PLEKHH2: variants seen among roughly 807,000 people sequenced by gnomAD.
PLEKHH2 encodes pleckstrin homology domain-containing family H member 2.
In PLEKHH2, 129 loss-of-function variants were observed where a neutral mutation model predicts 187.9. The ratio of observed to expected loss-of-function variants is 0.69; its 90% CI spans 0.59 to 0.79. PLEKHH2 has a LOEUF of 0.79. PLEKHH2 is among the 30% of genes least tolerant of loss of function. The pLI is 0.00. For missense variants in PLEKHH2, 2,076 were observed against 1,751.2 expected (o/e 1.19, Z -3.31); for synonymous variants, 686 against 605.6 (o/e 1.13, Z -1.95).
chr2:43,704,066 T>G lies in PLEKHH2; in HGVS notation c.1726+10T>G. ...GAGAGTGTTAATAAAAGTAAGTGCT[T>G]TTTCATGCTGCCACCTGGATGAACC... On this transcript the variant is annotated intron_variant, in intron 9 of 29. Transcript: ENST00000282406. The G allele has an allele frequency of 6.4e-7, 1 of 1,569,392 alleles. No homozygotes were observed. The highest frequency in any genetic ancestry group is 8.8e-7 in the Non-Finnish European group (1 of 1,141,432).
rs755842513 is a variant in PLEKHH2 at position 43,700,587 on chromosome 2, C to A, written c.1629C>A (p.Pro543=). ...KVAYSKPPTP[P]LHRFPSWESR... Reference sequence around the variant, plus strand: ...CATACAGCAAACCTCCAACTCCTCCCCTGCACCGTTTTCCTTCTTGGGTAA... The same window carrying A: ...CATACAGCAAACCTCCAACTCCTCCACTGCACCGTTTTCCTTCTTGGGTAA... Residue 543 remains proline (P), a synonymous_variant, in exon 8 of 30, where the codon CCC becomes CCA. Coordinates refer to ENST00000282406, the MANE Select transcript of PLEKHH2 (RefSeq NM_172069.4). The A allele has an allele frequency of 4.3e-6, 7 of 1,609,650 alleles. No homozygotes were observed. In the South Asian group the frequency reaches 5.5e-5, roughly 13 times the overall value.
At chr2:43,666,249 G>A (rs1365699088) in intron 2 of PLEKHH2, among the ~76,000 whole-genome samples, 13 of 150,974 alleles carry the variant, frequency 8.6e-5, no homozygotes, top group East Asian at 1.9e-4. Context: ...AGGTGCATCC[G>A]TCACCCCTTT....
At position 43,658,302 on chromosome 2, in the gene PLEKHH2, T is replaced by G. The variant is rs544012818; in HGVS notation, c.123+13506T>G. Among the ~76,000 whole-genome samples, 6 of 152,368 alleles carry G rather than the reference T, an allele frequency of 3.9e-5. No individual in the cohort carries two copies. In the East Asian group the frequency reaches 9.6e-4, roughly 24 times the overall value. On this transcript the variant is annotated intron_variant, in intron 2 of 29. Transcript: ENST00000282406. Reference sequence around the variant, plus strand: ...ACACTTACGTGTATTAAATGATACATGAATTGTTTGTACCATTTTTCATGT... The same window carrying G: ...ACACTTACGTGTATTAAATGATACAGGAATTGTTTGTACCATTTTTCATGT...
chr2:43,703,898 A>G lies in PLEKHH2; in HGVS notation c.1651-83A>G, dbSNP rs866725093. The G allele has an allele frequency of 9.5e-6, 8 of 845,748 alleles. No individual in the cohort carries two copies. The Middle Eastern group carries it at 7.0e-4, about 74-fold the overall frequency. 52.4% of individuals were successfully genotyped at this position (845,748 alleles called of 1,614,324 possible). A position where few individuals can be genotyped will look rare whatever the true frequency, so the allele number is the denominator to read the frequency against. On this transcript the variant is annotated intron_variant, in intron 8 of 29. Coordinates refer to ENST00000282406, the MANE Select transcript of PLEKHH2 (RefSeq NM_172069.4). ...CTTAAATGAAGAACAAATGAAAAACATGTGTATTGAAAGTAGTCTTTTTTT... is the reference window on the plus strand; with the variant it reads ...CTTAAATGAAGAACAAATGAAAAACGTGTGTATTGAAAGTAGTCTTTTTTT...
At chr2:43,731,108 C>T (rs889142417) in intron 18 of PLEKHH2, among the ~76,000 whole-genome samples, 1 of 152,030 alleles carries the variant, frequency 6.6e-6, no homozygotes, top group Non-Finnish European at 1.5e-5. Context: ...AAGAATGACA[C>T]AATAGACTTT....
chr2:43,676,316 A>T (rs1667785366), intron 2 of PLEKHH2: 1 of 1,605,132 alleles, frequency 6.2e-7, no homozygotes, highest in Non-Finnish European at 8.5e-7. Context: ...CCACTAGCGG[A>T]AACCATTTTC....
chr2:43,645,867 C>G (rs1459619256), intron 2 of PLEKHH2, among the ~76,000 whole-genome samples: 1 of 152,098 alleles, frequency 6.6e-6, no homozygotes, highest in Non-Finnish European at 1.5e-5. Context: ...TTCTGAAACA[C>G]TAATCTGCAT....
intron 16 of PLEKHH2, 84 bp from the exon 17 acceptor site, chr2:43,726,188 T>C: frequency 1.0e-6 from 1 of 957,414 alleles, no homozygotes; most frequent in Non-Finnish European, 1.5e-6. Flanking sequence ...CTTTATAAAT[T>C]TAAAAATGAA....
At chr2:43,683,940 A>G (rs931071780) in intron 3 of PLEKHH2, among the ~76,000 whole-genome samples, 3 of 152,170 alleles carry the variant, frequency 2.0e-5, no homozygotes, top group Non-Finnish European at 4.4e-5. Flanking sequence ...GAGCTTTCAT[A>G]TATCCTCTCC....
chr2:43,638,556 T>C lies in PLEKHH2; in HGVS notation c.-4+1177T>C, dbSNP rs552146984. Among the ~76,000 whole-genome samples, 5 of 152,256 alleles carry C rather than the reference T, an allele frequency of 3.3e-5. No individual in the cohort carries two copies. The South Asian group carries it at 1.0e-3, about 32-fold the overall frequency. ...TGGGGGTATTTGGAACTCCAAGACT[T>C]TTTCCTGTCCCCTGAAGTGAAGATA... On this transcript the variant is annotated intron_variant, in intron 1 of 29. Transcript: ENST00000282406.
intron 19 of PLEKHH2, among the ~76,000 whole-genome samples, chr2:43,736,660 C>G (rs1015088060): frequency 1.3e-5 from 2 of 151,982 alleles, no homozygotes; most frequent in African/African-American, 4.8e-5. Context: ...AGGGGGAAAC[C>G]CTGTCTCTAC....
At position 43,742,812 on chromosome 2, in the gene PLEKHH2, A is replaced by G. The variant is rs371828260; in HGVS notation, c.3293A>G (p.Glu1098Gly). 3 of 1,607,362 alleles carry G rather than the reference A, an allele frequency of 1.9e-6. No homozygotes were observed. Among genetic ancestry groups the G allele is most frequent in the African/African-American group, 1.3e-5 (1 of 74,556 alleles). The stretch of plus-strand genomic sequence containing the variant: ...AGAACGCAACAAAATGGTGACAGAG[A>G]AGCAAGACCCTCAAGGATGGAAATT... ...VERTQQNGDR[E>G]ARPSRMEILS... The change falls in exon 22 of 30, where the codon GAA (glutamate) becomes GGA (glycine). Residue 1098 changes from glutamate to glycine, a missense_variant. By Grantham distance (98) the Glu-to-Gly change is moderately conservative. Coordinates refer to ENST00000282406, the MANE Select transcript of PLEKHH2 (RefSeq NM_172069.4).
chr2:43,696,130 T>A (rs1669077364), intron 6 of PLEKHH2, among the ~76,000 whole-genome samples: 1 of 152,066 alleles, frequency 6.6e-6, no homozygotes, highest in East Asian at 1.9e-4. Context: ...GTGGTGAGAT[T>A]GGTCTATTTA....
intron 19 of PLEKHH2, among the ~76,000 whole-genome samples, chr2:43,732,449 A>C (rs1374326180): frequency 6.6e-6 from 1 of 152,150 alleles, no homozygotes; most frequent in Non-Finnish European, 1.5e-5. Flanking sequence ...CACTTCACTC[A>C]CCAATGCCAT....
intron 2 of PLEKHH2, among the ~76,000 whole-genome samples, chr2:43,647,000 C>A (rs1291609415): frequency 1.3e-5 from 2 of 151,894 alleles, no homozygotes; most frequent in African/African-American, 4.8e-5. Flanking sequence ...ACAATATTTT[C>A]TGTTATATTC....
At chr2:43,733,573 T>A (rs1458014075) in intron 19 of PLEKHH2, among the ~76,000 whole-genome samples, 1 of 152,104 alleles carries the variant, frequency 6.6e-6, no homozygotes, top group Non-Finnish European at 1.5e-5. Context: ...AAAAATCTAT[T>A]TGTTTATTAG....
chr2:43,712,322 C>T lies in PLEKHH2; in HGVS notation c.2399C>T (p.Ala800Val). The change falls in exon 15 of 30, where the codon GCT becomes GTT. Residue 800 changes from alanine to valine, a missense_variant. Physicochemically the swap from Ala to Val is moderately conservative, Grantham distance 64 (BLOSUM62 0). Transcript: ENST00000282406. ...KVLQNVLRVQ[A>V]ANPLSLQPEG... ...TTACAGAATGTTCTTCGAGTACAAG[C>T]TGCCAACCCACTTTCCCTGCAGCCT... is the stretch of plus-strand genomic sequence containing the variant. 1 of 1,614,068 alleles carries T rather than the reference C, an allele frequency of 6.2e-7. No homozygotes were observed. Among genetic ancestry groups the T allele is most frequent in the South Asian group, 1.1e-5 (1 of 91,048 alleles).
intron 9 of PLEKHH2, 26 bp from the exon 10 acceptor site, chr2:43,706,296 T>A (rs1250146365): frequency 1.3e-6 from 2 of 1,507,800 alleles, no homozygotes; most frequent in Non-Finnish European, 1.8e-6. Context: ...TTTTTTAAAA[T>A]GTTGTTTCCT....
At chr2:43,700,692 G>A (rs113885926) in intron 8 of PLEKHH2, 84 bp downstream of exon 8, 14,870 of 1,480,732 alleles carry the variant, frequency 0.01, 361 homozygotes, top group African/African-American at 0.076. Context: ...TCGCTCTGTC[G>A]CCCAAGCTGG....
Sources: allele counts gnomAD v4.1 joint callset (sites outside exome capture counted in the v4.1 genomes callset), GRCh38; gene constraint gnomAD v4.1.1; transcripts MANE v1.5; gene names NCBI Gene and HGNC (gene_info 2026-07-23, HGNC 2026-07-21).